Variants in ARFGEF1 observed in about 807,000 individuals in gnomAD.
ARFGEF1 encodes the protein brefeldin A-inhibited guanine nucleotide-exchange protein 1.
ARFGEF1 carries 42 observed loss-of-function variants against 231.0 expected under a neutral mutation model. The ratio of observed to expected loss-of-function variants is 0.18; its 90% CI spans 0.14 to 0.24. The LOEUF is 0.24. Among genes scored for constraint, ARFGEF1 ranks in the 10% least tolerant of loss-of-function variants. The pLI is 1.00. For missense variants in ARFGEF1, 1,345 were observed against 2,192.0 expected (o/e 0.61, Z 7.72); for synonymous variants, 710 against 732.3 (o/e 0.97, Z 0.49).
At chr8:67,253,799 A>G (rs916191323) in intron 17 of ARFGEF1, among the ~76,000 whole-genome samples, 177 bp from the exon 18 acceptor site, 4 of 152,242 alleles carry the variant, frequency 2.6e-5, no homozygotes, top group African/African-American at 9.6e-5. Flanking sequence ...AAGGCAATAC[A>G]GAAAAGATCC....
chr8:67,213,587 A>C (rs1838824621), intron 33 of ARFGEF1, among the ~76,000 whole-genome samples: 1 of 152,240 alleles, frequency 6.6e-6, no homozygotes, highest in African/African-American at 2.4e-5. Context: ...CAGATACTTA[A>C]GTCGAAGGAG....
intron 29 of ARFGEF1, 45 bp from the exon 30 acceptor site, chr8:67,219,605 A>G: frequency 6.5e-7 from 1 of 1,539,360 alleles, no homozygotes; most frequent in Non-Finnish European, 8.8e-7. Flanking sequence ...ACAAAAAAGC[A>G]TACTTCTCCT....
rs765145841 is a variant in ARFGEF1 at position 67,227,252 on chromosome 8, T to C, written c.3801A>G (p.Gln1267=). ...VRCIAQMVNS[Q]AANIRSGWKN... ...TCCATCCAGATCGAATGTTAGCAGC[T>C]TGAGAATTAACCATCTGTGCTATAC... Residue 1267 remains glutamine, a synonymous_variant, in exon 27 of 39, where the codon CAA becomes CAG. Coordinates refer to ENST00000262215, the MANE Select transcript of ARFGEF1 (RefSeq NM_006421.5). The C allele has an allele frequency of 3.1e-6, 5 of 1,613,180 alleles. No individual in the cohort carries two copies. The highest frequency in any genetic ancestry group is 2.2e-5 in the East Asian group (1 of 44,844).
intron 1 of ARFGEF1, among the ~76,000 whole-genome samples, chr8:67,339,795 C>CGGGGCGGGGGGGGG (rs1554652757): frequency 1.4e-4 from 2 of 14,274 alleles, no homozygotes. Flanking sequence ...CAGTGTGGGG[C>CGGGGCGGGGGGGGG]GGGGGGGGGG....
chr8:67,234,597 G>A (rs951292511), intron 22 of ARFGEF1, among the ~76,000 whole-genome samples: 2 of 152,076 alleles, frequency 1.3e-5, no homozygotes, highest in Non-Finnish European at 2.9e-5. Context: ...CCAGGAAGAA[G>A]GGAAAAGAAC....
chr8:67,200,911 T>A (rs1324425928), intron 37 of ARFGEF1, among the ~76,000 whole-genome samples: 1 of 152,246 alleles, frequency 6.6e-6, no homozygotes, highest in East Asian at 1.9e-4. Context: ...ATCAGTCTTG[T>A]CAATCAAATG....
chr8:67,202,880 A>G (rs1324912091), intron 36 of ARFGEF1, among the ~76,000 whole-genome samples: 1 of 152,208 alleles, frequency 6.6e-6, no homozygotes, highest in East Asian at 1.9e-4. Flanking sequence ...CCAAGGGGGA[A>G]AAAATCCACC....
chr8:67,177,477 A>C (rs1202863596), intron 5 of ARFGEF1, among the ~76,000 whole-genome samples: 1 of 152,224 alleles, frequency 6.6e-6, no homozygotes, highest in East Asian at 1.9e-4. Context: ...ATGTTCATTC[A>C]TGTGAATGGG....
chr8:67,310,236 T>C (rs1452125056), intron 1 of ARFGEF1, among the ~76,000 whole-genome samples: 1 of 150,114 alleles, frequency 6.7e-6, no homozygotes, highest in African/African-American at 2.4e-5. Flanking sequence ...GCCTGCCGAG[T>C]GCCTGCGATT....
chr8:67,200,441 TAA>T lies in ARFGEF1; in HGVS notation c.5338_5339del (p.Leu1780ThrfsTer7), dbSNP rs1387418831. 1 of 1,602,736 alleles carries T rather than the reference TAA, an allele frequency of 6.2e-7. No individual in the cohort carries two copies. The highest frequency in any genetic ancestry group is 8.5e-7 in the Non-Finnish European group (1 of 1,169,592). On this transcript the variant is annotated frameshift_variant, in exon 38 of 39. Transcript: ENST00000262215. LOFTEE classifies it high-confidence loss of function. ...GAACTTTAGTTAGAAACAAAAGCAG[TAA>T]GTTAGTCCAGGCTTCTCGATGACTT... ...SESHREAWTN[L>X]LLLFLTKVLK...
intron 1 of ARFGEF1, among the ~76,000 whole-genome samples, chr8:67,303,412 G>C (rs1337600560): frequency 6.6e-6 from 1 of 151,936 alleles, no homozygotes; most frequent in Non-Finnish European, 1.5e-5. Context: ...CGTAATAGAA[G>C]ACCCTTAAAT....
intron 3 of ARFGEF1, among the ~76,000 whole-genome samples, chr8:67,299,609 T>G (rs1282045629): frequency 6.6e-6 from 1 of 152,182 alleles, no homozygotes. Flanking sequence ...AGGTAATATT[T>G]TGAGAAAGTC....
Position 67,271,951 on chromosome 8 carries a change from A to C in ARFGEF1, c.1338-15T>G, listed in dbSNP as rs555819802. The C allele has an allele frequency of 6.7e-5, 103 of 1,539,862 alleles. No individual in the cohort carries two copies. In the South Asian group the frequency reaches 1.1e-3, roughly 17 times the overall value. ...GTTCATGAGACCTAAAATGTAAAAA[A>C]GAAGGCATAGTATATGAACAAGGTT... is the stretch of plus-strand genomic sequence containing the variant. On this transcript the variant is annotated splice_polypyrimidine_tract_variant and intron_variant, in intron 9 of 38. Coordinates refer to ENST00000262215, the MANE Select transcript of ARFGEF1 (RefSeq NM_006421.5).
At chr8:67,332,421 T>G (rs1160077686) in intron 1 of ARFGEF1, among the ~76,000 whole-genome samples, 1 of 152,164 alleles carries the variant, frequency 6.6e-6, no homozygotes, top group Non-Finnish European at 1.5e-5. Context: ...CAGGGCACAT[T>G]AAATTTCCAA....
chr8:67,219,333 C>T, intron 30 of ARFGEF1, 98 bp downstream of exon 30: 2 of 1,388,042 alleles, frequency 1.4e-6, no homozygotes, highest in Non-Finnish European at 1.9e-6. Context: ...TCTAGGAATT[C>T]TTTTCTGTAC....
intron 29 of ARFGEF1, 63 bp downstream of exon 29, chr8:67,224,839 GA>G: frequency 8.4e-7 from 1 of 1,185,116 alleles, no homozygotes; most frequent in Non-Finnish European, 1.1e-6. Context: ...TGTTTATAAA[GA>G]AGAGTTAATT....
At chr8:67,311,248 G>A (rs1381402070) in intron 1 of ARFGEF1, among the ~76,000 whole-genome samples, 9 of 134,502 alleles carry the variant, frequency 6.7e-5, no homozygotes, top group Non-Finnish European at 4.8e-5. Context: ...GGGGAGGTCA[G>A]CCCCCCGCCC....
At chr8:67,255,808 T>C (rs1396320070) in intron 17 of ARFGEF1, among the ~76,000 whole-genome samples, 1 of 152,222 alleles carries the variant, frequency 6.6e-6, no homozygotes, top group Non-Finnish European at 1.5e-5. Context: ...TCCAAGCACA[T>C]GTTCTGCAAA....
Position 67,258,284 on chromosome 8 carries a change from C to T in ARFGEF1, c.2242G>A (p.Val748Met). Residue 748 changes from valine to methionine, a missense_variant, in exon 16 of 39, where the codon GTG (valine) becomes ATG (methionine). By Grantham distance (21) the Val-to-Met change is conservative (BLOSUM62 1). Around this residue, in one of 14 missense-constraint regions of ARFGEF1, gnomAD observed 105 missense variants for 159.3 expected, o/e 0.66. Transcript: ENST00000262215. Reference protein sequence around the residue: ...HQEERLDSTQVGEFLGDNDKF... With the variant: ...HQEERLDSTQMGEFLGDNDKF... ...TCATTATCTCCCAGGAACTCACCCA[C>T]TTGAGTCTAAAGTAAAAACAGAGAT... 6.3e-7 allele frequency: 1 copy of T among 1,581,976 alleles called. No individual in the cohort carries two copies. The highest frequency in any genetic ancestry group is 1.1e-5 in the South Asian group (1 of 89,250).
Sources: allele counts gnomAD v4.1 joint callset (sites outside exome capture counted in the v4.1 genomes callset), GRCh38; gene constraint gnomAD v4.1.1; regional missense constraint gnomAD v4.1.1; transcripts MANE v1.5; gene names NCBI Gene and HGNC (gene_info 2026-07-23, HGNC 2026-07-21).